BABAM2: variants seen among roughly 807,000 people sequenced by gnomAD.
BABAM2 encodes BRISC and BRCA1-A complex member 2.
BABAM2 carries 31 observed loss-of-function variants against 54.7 expected under a neutral mutation model. The observed-to-expected ratio is 0.57, with a 90% CI of 0.43 to 0.77. The LOEUF (loss-of-function observed/expected upper bound fraction) is 0.77. BABAM2 is among the 30% of genes least tolerant of loss of function. BABAM2 has a pLI of 0.00. For missense variants in BABAM2, 364 were observed against 455.8 expected, an observed-to-expected ratio of 0.80 and a Z score of 1.83; for synonymous variants, 167 against 162.9, an observed-to-expected ratio of 1.03 and a Z score of -0.19.
At chr2:28,271,332 A>G (rs554920134) in intron 10 of BABAM2, among the ~76,000 whole-genome samples, 1 of 152,348 alleles carries the variant, frequency 6.6e-6, no homozygotes, top group East Asian at 1.9e-4. Context: ...CCTCCCACCC[A>G]GGCAACTTCC....
At chr2:28,059,547 T>C (rs1417074068) in intron 6 of BABAM2, among the ~76,000 whole-genome samples, 1 of 152,204 alleles carries the variant, frequency 6.6e-6, no homozygotes, top group Non-Finnish European at 1.5e-5. Flanking sequence ...CAGAAGATCC[T>C]GGAATACTGA....
At chr2:28,318,141 C>T (rs2148300021) in intron 11 of BABAM2, among the ~76,000 whole-genome samples, 1 of 152,268 alleles carries the variant, frequency 6.6e-6, no homozygotes, top group South Asian at 2.1e-4. Context: ...TATCTCTGTT[C>T]CTCCCACCAA....
chr2:28,268,892 C>T (rs1172442549), intron 10 of BABAM2, among the ~76,000 whole-genome samples: 4 of 152,180 alleles, frequency 2.6e-5, no homozygotes, highest in South Asian at 2.1e-4. Flanking sequence ...TATTTGTCTG[C>T]GGAGAAATCC....
At chr2:27,959,852 A>T (rs1670345734) in intron 3 of BABAM2, among the ~76,000 whole-genome samples, 1 of 151,472 alleles carries the variant, frequency 6.6e-6, no homozygotes, top group African/African-American at 2.4e-5. Context: ...TCGTACTTTC[A>T]GTGAATGTTG....
At chr2:28,230,660 G>A (rs998324724) in intron 7 of BABAM2, among the ~76,000 whole-genome samples, 2 of 151,116 alleles carry the variant, frequency 1.3e-5, no homozygotes, top group Non-Finnish European at 1.5e-5. Flanking sequence ...GGAAGTTGAG[G>A]CTGCAGTGAG....
At chr2:28,136,543 C>T (rs1670558027) in intron 7 of BABAM2, among the ~76,000 whole-genome samples, 1 of 152,236 alleles carries the variant, frequency 6.6e-6, no homozygotes, top group Non-Finnish European at 1.5e-5. Flanking sequence ...ACAGTCATTT[C>T]TTATTGCTGT....
intron 9 of BABAM2, among the ~76,000 whole-genome samples, chr2:28,243,305 G>A (rs1006995266): frequency 5.9e-5 from 9 of 152,096 alleles, no homozygotes; most frequent in South Asian, 2.1e-4. Context: ...AGGCCGAGGC[G>A]GGCGGATCAT....
intron 7 of BABAM2, among the ~76,000 whole-genome samples, chr2:28,150,162 A>G (rs1237889850): frequency 6.6e-6 from 1 of 152,204 alleles, no homozygotes; most frequent in African/African-American, 2.4e-5. Context: ...CTTGTGGAGT[A>G]GGCGATGTTT....
rs1684639167 is a variant in BABAM2, at chr2:28,262,745, A to C, written c.934+17883A>C. ...AATGAGAGAACATTCACATAGAACA[A>C]AGGTGTGGTGGAGGCTCTCACCAGC... On this transcript the variant is annotated intron_variant, in intron 10 of 11. Coordinates refer to ENST00000379624, the MANE Select transcript of BABAM2 (RefSeq NM_199191.3). Among the ~76,000 whole-genome samples, 3 of 152,124 alleles carry C rather than the reference A, an allele frequency of 2.0e-5. No individual in the cohort carries two copies. The South Asian group carries it at 6.2e-4, about 31-fold the overall frequency.
chr2:28,171,959 T>C (rs181624363), intron 7 of BABAM2, among the ~76,000 whole-genome samples: 2 of 152,230 alleles, frequency 1.3e-5, no homozygotes, highest in Admixed American at 1.3e-4. Flanking sequence ...TTTCTTAATA[T>C]GTTATATGCT....
intron 4 of BABAM2, among the ~76,000 whole-genome samples, chr2:28,016,904 A>G (rs967477913): frequency 2.0e-5 from 3 of 152,240 alleles, no homozygotes; most frequent in South Asian, 2.1e-4. Flanking sequence ...AGTTAAAACC[A>G]TAAGGGATGT....
At chr2:27,951,697 A>AT (rs1380433920) in intron 3 of BABAM2, among the ~76,000 whole-genome samples, 2 of 151,900 alleles carry the variant, frequency 1.3e-5, no homozygotes, top group African/African-American at 2.4e-5. Context: ...TTAGTTTTCA[A>AT]TTTTTTCAAT....
intron 6 of BABAM2, among the ~76,000 whole-genome samples, chr2:28,070,556 C>CTTTT (rs35933472): frequency 8.8e-5 from 13 of 147,228 alleles, no homozygotes; most frequent in African/African-American, 2.8e-4. Context: ...CTTTTCTTTT[C>CTTTT]TTTTTTTTTT....
chr2:28,186,187 A>C (rs776516050), intron 7 of BABAM2, among the ~76,000 whole-genome samples: 4 of 152,212 alleles, frequency 2.6e-5, no homozygotes, highest in Non-Finnish European at 5.9e-5. Context: ...TGATGTGGTA[A>C]ATTTTTTTCT....
At chr2:28,177,849 T>C (rs1407511447) in intron 7 of BABAM2, among the ~76,000 whole-genome samples, 1 of 152,022 alleles carries the variant, frequency 6.6e-6, no homozygotes, top group Non-Finnish European at 1.5e-5. Flanking sequence ...AGTACTTATC[T>C]TAATATCAGA....
intron 4 of BABAM2, among the ~76,000 whole-genome samples, chr2:27,991,689 G>A (rs573791209): frequency 1.1e-4 from 17 of 152,206 alleles, no homozygotes; most frequent in Non-Finnish European, 2.1e-4. Context: ...TTGACTTAGC[G>A]TATTGTTTTC....
intron 11 of BABAM2, among the ~76,000 whole-genome samples, chr2:28,302,931 T>C (rs1688221574): frequency 1.3e-5 from 2 of 152,350 alleles, no homozygotes; most frequent in South Asian, 4.1e-4. Context: ...TTTTTATTAA[T>C]GAGTTGTATA....
At chr2:27,943,353 A>T (rs1669069318) in intron 3 of BABAM2, among the ~76,000 whole-genome samples, 2 of 152,232 alleles carry the variant, frequency 1.3e-5, no homozygotes, top group African/African-American at 4.8e-5. Flanking sequence ...AGCTCAGCTA[A>T]CAACAAGCCA....
intron 6 of BABAM2, among the ~76,000 whole-genome samples, chr2:28,075,037 T>C (rs749801034): frequency 1.3e-5 from 2 of 152,138 alleles, no homozygotes; most frequent in Non-Finnish European, 2.9e-5. Context: ...TAGTCACAGA[T>C]TTTTTTCAGT....
Sources: allele counts gnomAD v4.1 joint callset (sites outside exome capture counted in the v4.1 genomes callset), GRCh38; gene constraint gnomAD v4.1.1; transcripts MANE v1.5; gene names NCBI Gene and HGNC (gene_info 2026-07-23, HGNC 2026-07-21).